EYS: variants seen among roughly 807,000 people sequenced by gnomAD.
EYS encodes protein eyes shut homolog.
In EYS, 250 loss-of-function variants were observed where a neutral mutation model predicts 282.1. The observed-to-expected ratio is 0.89, with a 90% CI of 0.80 to 0.98. EYS has a LOEUF of 0.98. Ranked by LOEUF, EYS falls within the 50% of genes least tolerant of loss-of-function variation. The pLI, the probability that EYS is intolerant of heterozygous loss-of-function variation, is 0.00. For missense variants in EYS, 4,016 were observed against 3,709.0 expected, an observed-to-expected ratio of 1.08 and a Z score of -2.15; for synonymous variants, 1,355 against 1,282.9, an observed-to-expected ratio of 1.06 and a Z score of -1.20.
chr6:64,566,040 C>T (rs1765558228), intron 26 of EYS, among the ~76,000 whole-genome samples: 1 of 150,924 alleles, frequency 6.6e-6, no homozygotes, highest in African/African-American at 2.4e-5. Context: ...TCTGGTTTCA[C>T]AAATGTAAGA....
At chr6:64,306,935 AC>A in intron 30 of EYS, 34 bp downstream of exon 30, 1 of 967,082 alleles carries the variant, frequency 1.0e-6, no homozygotes, top group Non-Finnish European at 1.6e-6. Context: ...GGTTATTTGA[AC>A]AAGTTATTAG....
At position 64,387,462 on chromosome 6, in the gene EYS, TG is replaced by T. The variant is rs573902374; in HGVS notation, c.6078+1227del. Among the ~76,000 whole-genome samples, 139 of 152,252 alleles carry T rather than the reference TG, an allele frequency of 9.1e-4. No homozygotes were observed. In the Middle Eastern group the frequency reaches 0.014, roughly 15 times the overall value. On this transcript the variant is annotated intron_variant, in intron 29 of 42. Transcript: ENST00000503581. ...TTTATATTAAAATTTATATTTTATT[TG>T]GGAAAAAGTATAGTTATGAAATAAG...
chr6:64,429,309 A>G (rs11965891), intron 28 of EYS, among the ~76,000 whole-genome samples: 4,711 of 152,214 alleles, frequency 0.031, 232 homozygotes, highest in African/African-American at 0.11. Flanking sequence ...TTGGTAACCA[A>G]TTTATCAGAG....
chr6:65,602,815 C>A (rs918137768), intron 2 of EYS, among the ~76,000 whole-genome samples: 46 of 151,824 alleles, frequency 3.0e-4, no homozygotes, highest in African/African-American at 1.1e-3. Flanking sequence ...ACAGGGAAGC[C>A]TTTTTGAAGT....
At chr6:64,987,134 T>G (rs1204806533) in intron 14 of EYS, among the ~76,000 whole-genome samples, 1 of 151,514 alleles carries the variant, frequency 6.6e-6, no homozygotes, top group Non-Finnish European at 1.5e-5. Flanking sequence ...CTCCAGTTAT[T>G]CTGGCGACAA....
At chr6:64,088,238 T>G (rs1236882483) in intron 31 of EYS, among the ~76,000 whole-genome samples, 1 of 152,070 alleles carries the variant, frequency 6.6e-6, no homozygotes, top group Non-Finnish European at 1.5e-5. Flanking sequence ...GCGATGCTAT[T>G]TGAACACACT....
At chr6:64,640,419 A>G (rs1768093323) in intron 22 of EYS, among the ~76,000 whole-genome samples, 1 of 152,224 alleles carries the variant, frequency 6.6e-6, no homozygotes, top group Admixed American at 6.5e-5. Flanking sequence ...TGTCCTTTGT[A>G]GAGACATGGA....
At chr6:65,700,008 G>A (rs928533460) in intron 1 of EYS, among the ~76,000 whole-genome samples, 2 of 150,822 alleles carry the variant, frequency 1.3e-5, no homozygotes, top group Non-Finnish European at 3.0e-5. Flanking sequence ...CCAGCTAGTC[G>A]GGAGGCTGAG....
chr6:64,000,712 A>G (rs947211590), intron 33 of EYS, among the ~76,000 whole-genome samples: 1 of 152,182 alleles, frequency 6.6e-6, no homozygotes, highest in African/African-American at 2.4e-5. Flanking sequence ...TAAAGGCGCA[A>G]CTGTGGGCTG....
intron 8 of EYS, among the ~76,000 whole-genome samples, chr6:65,357,834 T>C (rs149925888): frequency 2.6e-5 from 4 of 151,844 alleles, no homozygotes; most frequent in East Asian, 3.9e-4. Flanking sequence ...TGGCGACTAA[T>C]GTAATGCTCA....
At chr6:65,631,516 G>T (rs1766910849) in intron 2 of EYS, among the ~76,000 whole-genome samples, 1 of 152,004 alleles carries the variant, frequency 6.6e-6, no homozygotes, top group Non-Finnish European at 1.5e-5. Context: ...CCTCTGTGGG[G>T]CAAGTGGGAG....
At position 65,550,339 on chromosome 6, in the gene EYS, A is replaced by AT. The variant is rs1331178275; in HGVS notation, c.-332-54347dup. Among the ~76,000 whole-genome samples the AT allele has an allele frequency of 4.2e-4, 4 of 9,544 alleles. 1 individual carries two copies. The highest frequency in any genetic ancestry group is 4.7e-4 in the Non-Finnish European group (3 of 6,320). The allele number at this position is 9,544 out of a possible 152,430, so 6.3% of individuals were successfully genotyped here. A position where few individuals can be genotyped will look rare whatever the true frequency, so the allele number is the denominator to read the frequency against. On this transcript the variant is annotated intron_variant, in intron 2 of 42. Transcript: ENST00000503581. ...TGCTTCTGAGAGTTGTTTTTTATTT[A>AT]TTTTTTTTTTTATTATACTCTAAGT...
At chr6:65,702,895 T>C (rs965805652) in intron 1 of EYS, among the ~76,000 whole-genome samples, 1 of 152,130 alleles carries the variant, frequency 6.6e-6, no homozygotes, top group Non-Finnish European at 1.5e-5. Context: ...TCAGTTTAGA[T>C]GTTGCTATGA....
At chr6:65,581,644 C>G (rs758756688) in intron 2 of EYS, among the ~76,000 whole-genome samples, 1 of 151,962 alleles carries the variant, frequency 6.6e-6, no homozygotes, top group Non-Finnish European at 1.5e-5. Context: ...TAGTGATGCT[C>G]TTATTAACCA....
intron 31 of EYS, among the ~76,000 whole-genome samples, chr6:64,209,981 T>A (rs1027440512): frequency 6.6e-6 from 1 of 152,204 alleles, no homozygotes; most frequent in African/African-American, 2.4e-5. Flanking sequence ...GCCTGCCTGT[T>A]TAATAACTCC....
chr6:65,313,187 C>T (rs1470571457), intron 11 of EYS, among the ~76,000 whole-genome samples: 4 of 152,030 alleles, frequency 2.6e-5, no homozygotes, highest in African/African-American at 4.8e-5. Flanking sequence ...TGGAGTCACC[C>T]GGGGCCTATT....
rs189059730 is a variant in EYS, at chr6:64,025,866, G to T, written c.6726-26683C>A. ...GGCATAACATCTTTATAGGAAAGGGGTAAAGTCCCAGTACTAACAGGAGAA... is the reference window on the plus strand; with the variant it reads ...GGCATAACATCTTTATAGGAAAGGGTTAAAGTCCCAGTACTAACAGGAGAA... On this transcript the variant is annotated intron_variant, in intron 33 of 42. Transcript: ENST00000503581. Among the ~76,000 whole-genome samples the T allele has an allele frequency of 3.9e-5, 6 of 152,276 alleles. No homozygotes were observed. The East Asian group carries it at 1.2e-3, about 29-fold the overall frequency.
At chr6:65,443,131 T>G (rs1026807427) in intron 5 of EYS, among the ~76,000 whole-genome samples, 2 of 144,002 alleles carry the variant, frequency 1.4e-5, no homozygotes, top group African/African-American at 4.9e-5. Flanking sequence ...TATGTACACA[T>G]CATACATATA....
chr6:64,465,020 T>C (rs532173184), intron 26 of EYS, among the ~76,000 whole-genome samples: 1 of 151,612 alleles, frequency 6.6e-6, no homozygotes, highest in Non-Finnish European at 1.5e-5. Flanking sequence ...TTAAAATAAG[T>C]AAATAAGTAA....
Sources: gnomAD v4.1 joint callset for allele counts (sites outside exome capture counted in the v4.1 genomes callset) on GRCh38, gnomAD v4.1.1 for gene constraint, MANE v1.5 for transcripts, NCBI Gene and HGNC (gene_info 2026-07-23, HGNC 2026-07-21) for gene names.